The following USP35 variants were observed in gnomAD, a reference collection of about 807,000 sequenced individuals.
USP35 encodes the protein ubiquitin carboxyl-terminal hydrolase 35.
USP35 carries 69 observed loss-of-function variants against 83.8 expected under a neutral mutation model. The ratio of observed to expected loss-of-function variants is 0.82; its 90% CI spans 0.68 to 1.01. The LOEUF is 1.01. Among genes scored for constraint, USP35 ranks in the 50% least tolerant of loss-of-function variants. The pLI is 0.00. For synonymous variants in USP35, 714 were observed against 589.5 expected (o/e 1.21, Z -3.06); for missense variants, 1,503 against 1,362.5 (o/e 1.10, Z -1.62).
At position 78,200,027 on chromosome 11, in the gene USP35, A is replaced by G. The variant is rs776064465; in HGVS notation, c.937-106A>G. On this transcript the variant is annotated intron_variant, in intron 4 of 10. Coordinates refer to ENST00000529308, the MANE Select transcript of USP35 (RefSeq NM_020798.4). The stretch of plus-strand genomic sequence containing the variant: ...AGCACCTCAGTGTTGATCCCTCTGC[A>G]TGGGTTTGAACTCTAGGGTGTCTCT... 4 of 1,242,604 alleles carry G rather than the reference A, an allele frequency of 3.2e-6. No individual in the cohort carries two copies. The Admixed American group carries it at 5.2e-5, about 16-fold the overall frequency. The allele number at this position is 1,242,604 out of a possible 1,614,324, so 77.0% of individuals were successfully genotyped here.
the USP35 span, chr11:78,223,575 T>C: frequency 1.2e-6 from 2 of 1,613,878 alleles, no homozygotes; most frequent in Non-Finnish European, 8.5e-7. Flanking sequence ...AATTATCACC[T>C]GCTCGTTCCA....
In USP35 at chr11:78,200,195, G is replaced by A; in HGVS notation, c.999G>A (p.Met333Ile). The change falls in exon 5 of 11, where the codon ATG (methionine) becomes ATA (isoleucine). Residue 333 changes from methionine to isoleucine, a missense_variant. By Grantham distance (10) the Met-to-Ile change is conservative (BLOSUM62 1). Transcript: ENST00000529308. ...CTGCCTTGTCTGTGCTCAAGTACAT[G>A]CTCCTGACCTTCCAGCACTCCCACG... ...RGAALSVLKY[M>I]LLTFQHSHEA... 6.2e-7 allele frequency: 1 copy of A among 1,614,184 alleles called. No individual in the cohort carries two copies. Among genetic ancestry groups the A allele is most frequent in the Non-Finnish European group, 8.5e-7 (1 of 1,180,026 alleles).
chr11:78,199,892 C>T (rs1395978957), intron 4 of USP35, among the ~76,000 whole-genome samples, 168 bp downstream of exon 4: 1 of 152,214 alleles, frequency 6.6e-6, no homozygotes, highest in East Asian at 1.9e-4. Context: ...CCATTAGTTT[C>T]CCTGACTACT....
In USP35 at chr11:78,198,532, C is replaced by A. The variant is rs980238629; in HGVS notation, c.806+464C>A. On this transcript the variant is annotated intron_variant, in intron 3 of 10. Transcript: ENST00000529308. ...CGTCCTCCTCCCTGTGATCTAGACG[C>A]ACCTGCCTGTCCAGTTGTCCCAGAA... 7.2e-6 allele frequency: 6 copies of A among 830,194 alleles called. No homozygotes were observed. The African/African-American group carries it at 9.3e-5, about 13-fold the overall frequency. 51.4% of individuals were successfully genotyped at this position (830,194 alleles called of 1,614,324 possible). A position where few individuals can be genotyped will look rare whatever the true frequency, so the allele number is the denominator to read the frequency against.
Position 78,209,525 on chromosome 11 carries a change from AGCCCCCG to A in USP35, c.1676_1682del (p.Pro559GlnfsTer14). ...TCCAGCTCGCCCTCTCCGCCCGAGG[AGCCCCCG>A]GCCCCAAGTTCAACCTCTGTGGAAA... On this transcript the variant is annotated frameshift_variant, in exon 10 of 11. Coordinates refer to ENST00000529308, the MANE Select transcript of USP35 (RefSeq NM_020798.4). LOFTEE classifies it high-confidence loss of function. The A allele has an allele frequency of 6.2e-7, 1 of 1,614,088 alleles. No homozygotes were observed. Among genetic ancestry groups the A allele is most frequent in the South Asian group, 1.1e-5 (1 of 91,078 alleles).
At chr11:78,227,564 G>C in the USP35 span, among the ~76,000 whole-genome samples, 1 of 148,844 alleles carries the variant, frequency 6.7e-6, no homozygotes, top group Non-Finnish European at 1.5e-5. Flanking sequence ...GGAGGCTGAG[G>C]TGGGAGGTTC....
chr11:78,194,684 A>G (rs1863091173), intron 1 of USP35, among the ~76,000 whole-genome samples: 1 of 152,104 alleles, frequency 6.6e-6, no homozygotes, highest in African/African-American at 2.4e-5. Context: ...GGTGGAGGAG[A>G]AGGGCAGAAG....
the USP35 span, among the ~76,000 whole-genome samples, chr11:78,229,361 A>G: frequency 2.0e-5 from 3 of 152,148 alleles, no homozygotes; most frequent in African/African-American, 4.8e-5. Context: ...CTGAGAGAAG[A>G]CACTGGAGGC....
downstream of USP35, chr11:78,217,321 G>GA (rs2134443837): frequency 6.6e-6 from 1 of 152,338 alleles, no homozygotes; most frequent in Non-Finnish European, 1.5e-5. Flanking sequence ...CTTAACCCCA[G>GA]AAACTGGAGA....
In USP35 at chr11:78,200,644, C is replaced by T; in HGVS notation, c.1039-6C>T. 6.2e-7 allele frequency: 1 copy of T among 1,605,560 alleles called. No homozygotes were observed. Among genetic ancestry groups the T allele is most frequent in the Non-Finnish European group, 8.5e-7 (1 of 1,175,022 alleles). On this transcript the variant is annotated splice_region_variant and splice_polypyrimidine_tract_variant and intron_variant, in intron 5 of 10. Coordinates refer to ENST00000529308, the MANE Select transcript of USP35 (RefSeq NM_020798.4). Reference sequence around the variant, plus strand: ...TGCTGAGCCTGACGCAGCTCTGCTCCCACAGCTCCTCCCTCACATCCCCCC... The same window carrying T: ...TGCTGAGCCTGACGCAGCTCTGCTCTCACAGCTCCTCCCTCACATCCCCCC...
At position 78,209,441 on chromosome 11, in the gene USP35, G is replaced by A; in HGVS notation, c.1593-7G>A. ...TACATGTAGTGACTCTGTGCTCTCT[G>A]CCCCAGGCTGCACGAAGAGGAGAAA... On this transcript the variant is annotated splice_polypyrimidine_tract_variant and splice_region_variant and intron_variant, in intron 9 of 10. Transcript: ENST00000529308. The A allele has an allele frequency of 6.3e-7, 1 of 1,591,246 alleles. No homozygotes were observed. Among genetic ancestry groups the A allele is most frequent in the South Asian group, 1.2e-5 (1 of 86,708 alleles).
rs1194824132 is a variant in USP35, at chr11:78,210,416, C to G, written c.2561C>G (p.Ser854Cys). The G allele has an allele frequency of 1.2e-6, 2 of 1,613,958 alleles. No homozygotes were observed. The highest frequency in any genetic ancestry group is 4.5e-5 in the East Asian group (2 of 44,900). Residue 854 changes from serine (S) to cysteine (C), a missense_variant, in exon 10 of 11, where the codon TCT becomes TGT. Transcript: ENST00000529308. The stretch of plus-strand genomic sequence containing the variant: ...GACCTCTGCAGTGTGGTGGTGCACT[C>G]TGGAGTGTCTTCGGAGAGTGGTCAC... The part of the protein sequence containing the change: ...AYDLCSVVVH[S>C]GVSSESGHYY...
chr11:78,209,629 G>A lies in USP35; in HGVS notation c.1774G>A (p.Ala592Thr), dbSNP rs1318528163. The change falls in exon 10 of 11, where the codon GCC becomes ACC. Residue 592 changes from alanine to threonine, a missense_variant. Transcript: ENST00000529308. ...CCTCAACGTCTCCTCCCGGGAGGAG[G>A]CCTTCACGGACCTCTCTCTCGCCTT... ...CCLNVSSREE[A>T]FTDLSLAFPP... 5.6e-6 allele frequency: 9 copies of A among 1,613,974 alleles called. No individual in the cohort carries two copies. Among genetic ancestry groups the A allele is most frequent in the African/African-American group, 2.7e-5 (2 of 74,908 alleles).
chr11:78,227,238 C>T, the USP35 span, among the ~76,000 whole-genome samples: 1 of 152,136 alleles, frequency 6.6e-6, no homozygotes, highest in Non-Finnish European at 1.5e-5. Context: ...TTCATCCGTC[C>T]CCCATCTCCA....
In USP35 at chr11:78,215,029, C is replaced by CTCAAGATGTCACATCT. The variant is rs1555090749; in HGVS notation, c.*1217_*1232dup. Among the ~76,000 whole-genome samples the CTCAAGATGTCACATCT allele has an allele frequency of 6.6e-6, 1 of 152,098 alleles. No homozygotes were observed. The highest frequency in any genetic ancestry group is 2.1e-4 in the South Asian group (1 of 4,834). On this transcript the variant is annotated 3_prime_UTR_variant, in exon 11 of 11. Transcript: ENST00000529308. The stretch of plus-strand genomic sequence containing the variant: ...GAGTTTGGGCCCAATGTCACAGACC[C>CTCAAGATGTCACATCT]TCAAGATGTCACATCTAAGTGACCT...
intron 1 of USP35, among the ~76,000 whole-genome samples, chr11:78,190,660 G>A (rs1862977314): frequency 6.6e-6 from 1 of 152,222 alleles, no homozygotes; most frequent in Non-Finnish European, 1.5e-5. Flanking sequence ...GCAGAGGGAT[G>A]AGAATAGCTA....
chr11:78,203,799 C>T (rs1339426733), intron 6 of USP35, among the ~76,000 whole-genome samples: 6 of 150,936 alleles, frequency 4.0e-5, no homozygotes, highest in South Asian at 2.1e-4. Flanking sequence ...AGGATGGTCT[C>T]GATCTTCTGA....
Position 78,210,214 on chromosome 11 carries a change from T to G in USP35, c.2359T>G (p.Ser787Ala). The part of the protein sequence containing the change: ...ENRYYCESCA[S>A]LQDAEKVVEL... ...CCGCTACTACTGCGAGTCGTGTGCC[T>G]CCCTGCAGGATGCCGAGAAGGTGGT... The change falls in exon 10 of 11, where the codon TCC (serine) becomes GCC (alanine). Residue 787 changes from serine (S) to alanine (A), a missense_variant. Physicochemically the swap from Ser to Ala is moderately conservative, Grantham distance 99. Transcript: ENST00000529308. 6.2e-7 allele frequency: 1 copy of G among 1,613,804 alleles called. No homozygotes were observed. The highest frequency in any genetic ancestry group is 8.5e-7 in the Non-Finnish European group (1 of 1,179,998).
the USP35 span, among the ~76,000 whole-genome samples, chr11:78,236,312 T>A: frequency 6.6e-6 from 1 of 152,230 alleles, no homozygotes; most frequent in African/African-American, 2.4e-5. Context: ...TAAACTCACT[T>A]AAAAATTTTT....
Sources: allele counts gnomAD v4.1 joint callset (sites outside exome capture counted in the v4.1 genomes callset), GRCh38; gene constraint gnomAD v4.1.1; transcripts MANE v1.5; gene names NCBI Gene and HGNC (gene_info 2026-07-23, HGNC 2026-07-21).